Variants in PTPN12 observed in about 807,000 individuals in gnomAD.
The protein encoded by PTPN12 is tyrosine-protein phosphatase non-receptor type 12.
In PTPN12, 29 loss-of-function variants were observed where a neutral mutation model predicts 97.6. That is an observed-to-expected ratio of 0.30 (90% CI 0.22 to 0.41). PTPN12 has a LOEUF of 0.41. Among genes scored for constraint, PTPN12 ranks in the 10% least tolerant of loss-of-function variants. The pLI is 1.00. For synonymous variants in PTPN12, 327 were observed against 300.4 expected (o/e 1.09, Z -0.91); for missense variants, 819 against 926.0 (o/e 0.88, Z 1.50).
At chr7:77,633,530 A>ACC (rs1789478359) in intron 14 of PTPN12, among the ~76,000 whole-genome samples, 1 of 149,322 alleles carries the variant, frequency 6.7e-6, no homozygotes, top group Non-Finnish European at 1.5e-5. Flanking sequence ...AATCGCTTGA[A>ACC]CCCCGGAGGC....
intron 11 of PTPN12, among the ~76,000 whole-genome samples, chr7:77,612,988 C>T (rs369890641): frequency 2.1e-3 from 322 of 151,590 alleles, no homozygotes; most frequent in Non-Finnish European, 3.2e-3. Context: ...CCAGGCTAGT[C>T]TCAAACTCCT....
Position 77,537,985 on chromosome 7 carries a change from G to GGC in PTPN12, c.99+341_99+342insCG, listed in dbSNP as rs1044903134. ...GGCAAGTGAGGTGCAGGCCGGGGGG[G>GGC]GGGGCTCGCGTTTCCACACCTCCCC... On this transcript the variant is annotated intron_variant, in intron 1 of 17. Coordinates refer to ENST00000248594, the MANE Select transcript of PTPN12 (RefSeq NM_002835.4). 3 of 995,684 alleles carry GGC rather than the reference G, an allele frequency of 3.0e-6. No individual in the cohort carries two copies. The African/African-American group carries it at 5.2e-5, about 17-fold the overall frequency. 61.7% of individuals were successfully genotyped at this position (995,684 alleles called of 1,614,324 possible). A position where few individuals can be genotyped will look rare whatever the true frequency, so the allele number is the denominator to read the frequency against.
chr7:77,599,927 G>A (rs1788139850), intron 7 of PTPN12, among the ~76,000 whole-genome samples: 1 of 151,942 alleles, frequency 6.6e-6, no homozygotes, highest in East Asian at 1.9e-4. Flanking sequence ...TTGTTTCTGG[G>A]GGTTGTATCT....
intron 6 of PTPN12, among the ~76,000 whole-genome samples, chr7:77,594,705 T>G (rs1283987576): frequency 6.6e-6 from 1 of 152,144 alleles, no homozygotes; most frequent in African/African-American, 2.4e-5. Flanking sequence ...GGTCTCCCTG[T>G]GTTGCCCAGG....
At chr7:77,562,437 G>C (rs1288664739) in intron 1 of PTPN12, among the ~76,000 whole-genome samples, 1 of 152,206 alleles carries the variant, frequency 6.6e-6, no homozygotes, top group Non-Finnish European at 1.5e-5. Context: ...GGGTTTGGCA[G>C]AGTGTGCCCC....
At chr7:77,547,268 A>G (rs1368995531) in intron 1 of PTPN12, among the ~76,000 whole-genome samples, 1 of 152,176 alleles carries the variant, frequency 6.6e-6, no homozygotes, top group Non-Finnish European at 1.5e-5. Context: ...AGTTGAAAAC[A>G]TGGCAGTACT....
At position 77,566,823 on chromosome 7, in the gene PTPN12, G is replaced by A. The variant is rs149851031; in HGVS notation, c.100-4255G>A. On this transcript the variant is annotated intron_variant, in intron 1 of 17. Transcript: ENST00000248594. The stretch of plus-strand genomic sequence containing the variant: ...AAAAAGTCACACGATAAAGGGTGTG[G>A]TGGGTACCTATAACTTAATACGGAC... Among the ~76,000 whole-genome samples the A allele has an allele frequency of 3.7e-3, 559 of 152,234 alleles. 1 individual carries two copies. Among genetic ancestry groups the A allele is most frequent in the Admixed American group, 5.2e-3 (79 of 15,288 alleles).
rs151255166 is a variant in PTPN12, at chr7:77,626,904, T to A, written c.1225T>A (p.Tyr409Asn). The A allele has an allele frequency of 2.4e-5, 39 of 1,610,406 alleles. No homozygotes were observed. The highest frequency in any genetic ancestry group is 3.1e-5 in the Non-Finnish European group (37 of 1,178,478). Residue 409 changes from tyrosine to asparagine, a missense_variant, in exon 13 of 18, where the codon TAT becomes AAT. Around this residue, in one of 5 missense-constraint regions of PTPN12, gnomAD observed 607 missense variants for 577.3 expected, o/e 1.05. Coordinates refer to ENST00000248594, the MANE Select transcript of PTPN12 (RefSeq NM_002835.4). Reference protein sequence around the residue: ...EQHSADLNRNYSKSTELPGKN... With the variant: ...EQHSADLNRNNSKSTELPGKN... Reference sequence around the variant, plus strand: ...ACATTCAGCAGACCTCAACAGAAACTATAGTAAATCAACAGAACTTCCAGG... The same window carrying A: ...ACATTCAGCAGACCTCAACAGAAACAATAGTAAATCAACAGAACTTCCAGG...
chr7:77,611,162 A>G, intron 11 of PTPN12, 116 bp downstream of exon 11: 1 of 747,886 alleles, frequency 1.3e-6, no homozygotes, highest in Non-Finnish European at 2.2e-6. Context: ...TATCCAGGAC[A>G]CTTAACATTT....
intron 11 of PTPN12, 33 bp downstream of exon 11, chr7:77,611,079 CTT>C (rs1788553784): frequency 2.0e-6 from 3 of 1,497,690 alleles, no homozygotes; most frequent in South Asian, 2.3e-5. Context: ...TTTTAGGAAA[CTT>C]TTACTCTTTG....
At chr7:77,625,552 TCGCTCTCTCTCTC>T (rs1295364117) in intron 12 of PTPN12, among the ~76,000 whole-genome samples, 1 of 78,590 alleles carries the variant, frequency 1.3e-5, no homozygotes, top group African/African-American at 6.4e-5. Context: ...GCTCTCTCTC[TCGCTCTCTCTCTC>T]TTTTTTTTTT....
intron 1 of PTPN12, among the ~76,000 whole-genome samples, chr7:77,555,838 C>G (rs965818980): frequency 1.3e-5 from 2 of 151,888 alleles, no homozygotes; most frequent in Non-Finnish European, 2.9e-5. Context: ...TGTCGTGAAC[C>G]CAGGAGGCGG....
At chr7:77,590,919 C>T (rs1419039271) in intron 5 of PTPN12, among the ~76,000 whole-genome samples, 2 of 151,940 alleles carry the variant, frequency 1.3e-5, no homozygotes, top group East Asian at 1.9e-4. Context: ...CGCCTGTGGT[C>T]CCAGCTACTC....
intron 7 of PTPN12, among the ~76,000 whole-genome samples, chr7:77,600,264 A>G (rs950348410): frequency 4.6e-5 from 7 of 152,200 alleles, no homozygotes; most frequent in African/African-American, 1.7e-4. Context: ...TGCTTACGGT[A>G]TATTGCTCAT....
At chr7:77,608,995 G>A (rs1175257506) in intron 9 of PTPN12, among the ~76,000 whole-genome samples, 3 of 152,112 alleles carry the variant, frequency 2.0e-5, no homozygotes, top group Admixed American at 2.0e-4. Flanking sequence ...TGAGGTGGGC[G>A]GATCACCTGA....
chr7:77,548,739 C>T (rs1807339401), intron 1 of PTPN12, among the ~76,000 whole-genome samples: 1 of 152,112 alleles, frequency 6.6e-6, no homozygotes, highest in African/African-American at 2.4e-5. Context: ...AGCCTACTTC[C>T]AAAAAGTAGC....
At chr7:77,603,022 T>G (rs1349726039) in intron 8 of PTPN12, among the ~76,000 whole-genome samples, 1 of 152,228 alleles carries the variant, frequency 6.6e-6, no homozygotes, top group Non-Finnish European at 1.5e-5. Context: ...ATTAACGAAG[T>G]AAAAGGGCTA....
chr7:77,622,808 T>C (rs1788988490), intron 12 of PTPN12, among the ~76,000 whole-genome samples: 1 of 151,584 alleles, frequency 6.6e-6, no homozygotes, highest in Non-Finnish European at 1.5e-5. Flanking sequence ...ATACTATAAA[T>C]TTAAAAATTA....
chr7:77,610,461 T>G (rs1788533531), intron 9 of PTPN12, among the ~76,000 whole-genome samples: 1 of 152,202 alleles, frequency 6.6e-6, no homozygotes, highest in South Asian at 2.1e-4. Context: ...TGGGATAACC[T>G]TCTTTTGATA....
Sources: gnomAD v4.1 joint callset for allele counts (sites outside exome capture counted in the v4.1 genomes callset) on GRCh38, gnomAD v4.1.1 for gene constraint, gnomAD v4.1.1 regional missense constraint, MANE v1.5 for transcripts, NCBI Gene and HGNC (gene_info 2026-07-23, HGNC 2026-07-21) for gene names.